The following EPN2 variants were observed in gnomAD, a reference collection of about 807,000 sequenced individuals.
EPN2 encodes the protein epsin-2.
Under a neutral mutation model 61.7 loss-of-function variants are expected in EPN2, and 34 were observed. The ratio of observed to expected loss-of-function variants is 0.55; its 90% CI spans 0.42 to 0.73. The LOEUF (loss-of-function observed/expected upper bound fraction) is 0.73. EPN2 is among the 30% of genes least tolerant of loss of function. EPN2 has a pLI of 0.00. For synonymous variants in EPN2, 349 were observed against 353.6 expected (o/e 0.99, Z 0.15); for missense variants, 714 against 839.2 (o/e 0.85, Z 1.84).
Position 19,333,878 on chromosome 17 carries a change from G to A in EPN2, c.1628-78G>A, listed in dbSNP as rs182155353. ...GGGCACAGCAGGGACCAGAACACCCGCATGCAGTCCCTGACCTGGGAGCTC... is the reference window on the plus strand; with the variant it reads ...GGGCACAGCAGGGACCAGAACACCCACATGCAGTCCCTGACCTGGGAGCTC... On this transcript the variant is annotated intron_variant, in intron 10 of 10. Coordinates refer to ENST00000314728, the MANE Select transcript of EPN2 (RefSeq NM_014964.5). 4.8e-4 allele frequency: 613 copies of A among 1,278,106 alleles called. 1 individual carries two copies. In the African/African-American group the frequency reaches 5.9e-3, roughly 12 times the overall value. 79.2% of individuals were successfully genotyped at this position (1,278,106 alleles called of 1,614,324 possible).
chr17:19,241,057 C>T lies in EPN2; in HGVS notation c.-294+3526C>T, dbSNP rs1168460879. ...GGAGCTTAAGTTACATGCTCGAGGT[C>T]GCGCAGCCAGTAAGTGATTTGAACA... On this transcript the variant is annotated intron_variant, in intron 1 of 10. Transcript: ENST00000314728. Among the ~76,000 whole-genome samples, 6 of 152,082 alleles carry T rather than the reference C, an allele frequency of 3.9e-5. No individual in the cohort carries two copies. The South Asian group carries it at 6.2e-4, about 16-fold the overall frequency.
At chr17:19,279,828 T>C (rs1200193736) in intron 1 of EPN2, 1 of 150,548 alleles carries the variant, frequency 6.6e-6, no homozygotes, top group Non-Finnish European at 1.5e-5. Context: ...TTTTTTTCTT[T>C]ACTTTTCTTT....
intron 7 of EPN2, among the ~76,000 whole-genome samples, chr17:19,315,804 C>T (rs756964612): frequency 3.3e-5 from 5 of 152,176 alleles, no homozygotes; most frequent in Non-Finnish European, 7.3e-5. Flanking sequence ...CATTTTAAAG[C>T]GGACACTTCA....
intron 4 of EPN2, among the ~76,000 whole-genome samples, chr17:19,292,912 A>G (rs1015072294): frequency 6.6e-6 from 1 of 152,262 alleles, no homozygotes; most frequent in African/African-American, 2.4e-5. Flanking sequence ...AGCTAGAATT[A>G]GAACTGGGAT....
chr17:19,299,347 C>T (rs1184116841), intron 4 of EPN2, among the ~76,000 whole-genome samples: 1 of 152,252 alleles, frequency 6.6e-6, no homozygotes, highest in Non-Finnish European at 1.5e-5. Context: ...CTGGCACTGC[C>T]TGGGCTTCAG....
At chr17:19,269,002 A>AGTG (rs1305798324) in intron 1 of EPN2, among the ~76,000 whole-genome samples, 1 of 152,218 alleles carries the variant, frequency 6.6e-6, no homozygotes. Context: ...GGGAGAGGGA[A>AGTG]GTGAGGGGAG....
chr17:19,284,487 G>A (rs1031857450), intron 3 of EPN2, among the ~76,000 whole-genome samples: 1 of 152,216 alleles, frequency 6.6e-6, no homozygotes, highest in African/African-American at 2.4e-5. Context: ...CAGCCACAGT[G>A]TGGACCCCAC....
At position 19,283,712 on chromosome 17, in the gene EPN2, G is replaced by T. The variant is rs1220386967; in HGVS notation, c.593G>T (p.Gly198Val). The change falls in exon 3 of 11, where the codon GGC (glycine) becomes GTC (valine). Residue 198 changes from glycine (G) to valine (V), a missense_variant and splice_region_variant. Gly to Val is a moderately radical substitution (Grantham distance 109, BLOSUM62 -3). Transcript: ENST00000314728. The surrounding 1 kb of genome is among the most constrained non-coding windows in gnomAD (Gnocchi z 7.0). The stretch of plus-strand genomic sequence containing the variant: ...GGGGGCTCCCCGGCCTCCTACCATG[G>T]CTGTGAGTAATGGAAGTGCTTCTCA... ...KAGGSPASYH[G>V]SPEASLCPQH... The T allele has an allele frequency of 1.9e-6, 3 of 1,576,776 alleles. No homozygotes were observed. The highest frequency in any genetic ancestry group is 2.6e-6 in the Non-Finnish European group (3 of 1,162,472).
At chr17:19,326,535 AAAT>A (rs915888715) in intron 7 of EPN2, among the ~76,000 whole-genome samples, 18 of 152,064 alleles carry the variant, frequency 1.2e-4, no homozygotes, top group South Asian at 2.1e-4. Context: ...AAAATACAAA[AAAT>A]AAGCTGGGTG....
At chr17:19,332,187 T>A in intron 10 of EPN2, 119 bp downstream of exon 10, 3 of 757,828 alleles carry the variant, frequency 4.0e-6, no homozygotes, top group Non-Finnish European at 6.5e-6. Context: ...AGCTGGAATC[T>A]CTAGATGATT....
chr17:19,288,258 A>G (rs1597996488), intron 4 of EPN2, among the ~76,000 whole-genome samples: 1 of 152,168 alleles, frequency 6.6e-6, no homozygotes, highest in African/African-American at 2.4e-5. Flanking sequence ...AGCCTGGTCT[A>G]CCTGCCCTCT....
intron 4 of EPN2, among the ~76,000 whole-genome samples, chr17:19,299,625 G>C (rs1905371943): frequency 6.6e-6 from 1 of 152,250 alleles, no homozygotes; most frequent in Non-Finnish European, 1.5e-5. Context: ...ACAAGCTGGT[G>C]CTCTTACTGT....
chr17:19,258,023 C>G (rs936819678), intron 1 of EPN2: 1 of 153,306 alleles, frequency 6.5e-6, no homozygotes, highest in Non-Finnish European at 1.5e-5. Context: ...CGCAGCCCGT[C>G]AGAGGTTTGG....
intron 7 of EPN2, among the ~76,000 whole-genome samples, chr17:19,314,054 T>G (rs1403593391): frequency 2.6e-5 from 4 of 151,978 alleles, no homozygotes; most frequent in Non-Finnish European, 5.9e-5. Context: ...TCTCCTGGAG[T>G]CTCTGTTTCT....
At chr17:19,332,137 G>A in intron 10 of EPN2, 69 bp downstream of exon 10, 1 of 1,212,886 alleles carries the variant, frequency 8.2e-7, no homozygotes, top group Non-Finnish European at 1.2e-6. Context: ...CAGGCCTCTT[G>A]GGGGCTCTTC....
intron 1 of EPN2, among the ~76,000 whole-genome samples, chr17:19,262,393 G>T (rs921775457): frequency 2.0e-5 from 3 of 152,108 alleles, no homozygotes; most frequent in African/African-American, 4.8e-5. Context: ...CAGGAGAATC[G>T]CTTGGACCCA....
At chr17:19,265,812 C>CT (rs1447988903) in intron 1 of EPN2, among the ~76,000 whole-genome samples, 1 of 152,224 alleles carries the variant, frequency 6.6e-6, no homozygotes, top group Admixed American at 6.5e-5. Flanking sequence ...TGAAATAAAA[C>CT]TAAGTATGCT....
At chr17:19,313,574 A>G (rs1479371012) in intron 7 of EPN2, 1 of 355,442 alleles carries the variant, frequency 2.8e-6, no homozygotes, top group Admixed American at 4.4e-5. Context: ...ACATGTTTCA[A>G]CTCTTGCAGC....
chr17:19,246,713 G>A (rs1000941581), intron 1 of EPN2, among the ~76,000 whole-genome samples: 9 of 144,460 alleles, frequency 6.2e-5, no homozygotes, highest in African/African-American at 2.3e-4. Flanking sequence ...AAGGGACGCA[G>A]TTGTTTTGTT....
Sources: gnomAD v4.1 joint callset for allele counts (sites outside exome capture counted in the v4.1 genomes callset) on GRCh38, gnomAD v4.1.1 for gene constraint, Gnocchi (gnomAD v3.1) non-coding constraint, MANE v1.5 for transcripts, NCBI Gene and HGNC (gene_info 2026-07-23, HGNC 2026-07-21) for gene names.